The following CAMTA1 variants were observed in gnomAD, a reference collection of about 807,000 sequenced individuals.
CAMTA1 encodes the protein calmodulin-binding transcription activator 1.
In CAMTA1, 27 loss-of-function variants were observed where a neutral mutation model predicts 170.9. The observed-to-expected ratio is 0.16, with a 90% CI of 0.12 to 0.22. The LOEUF is 0.22. Among genes scored for constraint, CAMTA1 ranks in the 10% least tolerant of loss-of-function variants. The pLI is 1.00. For synonymous variants in CAMTA1, 833 were observed against 891.5 expected (o/e 0.93, Z 1.17); for missense variants, 1,619 against 2,217.2 (o/e 0.73, Z 5.42).
intron 3 of CAMTA1, among the ~76,000 whole-genome samples, chr1:6,986,809 T>A (rs1695434214): frequency 6.6e-6 from 1 of 152,048 alleles, no homozygotes; most frequent in Admixed American, 6.6e-5. Context: ...ACCTCCCAGG[T>A]TTGGAGCTGG....
chr1:7,717,958 C>G (rs182919970), intron 11 of CAMTA1, among the ~76,000 whole-genome samples: 1 of 152,212 alleles, frequency 6.6e-6, no homozygotes, highest in South Asian at 2.1e-4. Flanking sequence ...AGAGGGCCTA[C>G]TGTGCACCAG....
chr1:6,932,668 C>T (rs115828612), intron 3 of CAMTA1, among the ~76,000 whole-genome samples: 2,524 of 152,276 alleles, frequency 0.017, 33 homozygotes, highest in Non-Finnish European at 0.025. Flanking sequence ...TACGGTCAGT[C>T]TTTGTCATTT....
intron 6 of CAMTA1, among the ~76,000 whole-genome samples, chr1:7,632,001 ACCCAGTGTCG>A (rs1301062243): frequency 3.6e-4 from 55 of 152,224 alleles, no homozygotes; most frequent in African/African-American, 9.4e-4. Flanking sequence ...GCCCTGTGCC[ACCCAGTGTCG>A]CCCAGTGTCG....
chr1:7,577,150 G>A (rs906931169), intron 6 of CAMTA1, among the ~76,000 whole-genome samples: 3 of 152,248 alleles, frequency 2.0e-5, no homozygotes, highest in Non-Finnish European at 4.4e-5. Context: ...GTCCTCCCCC[G>A]GAGGCCCAGT....
chr1:6,845,174 A>G (rs1657555551), intron 3 of CAMTA1, among the ~76,000 whole-genome samples: 1 of 152,166 alleles, frequency 6.6e-6, no homozygotes. Flanking sequence ...GAAAAAGTCT[A>G]TGAAAAGCTA....
At chr1:7,485,280 C>T (rs2093603204) in intron 6 of CAMTA1, among the ~76,000 whole-genome samples, 1 of 152,208 alleles carries the variant, frequency 6.6e-6, no homozygotes, top group Non-Finnish European at 1.5e-5. Flanking sequence ...TGCCTCGTCT[C>T]TCAGGGTGTG....
intron 4 of CAMTA1, among the ~76,000 whole-genome samples, chr1:7,111,906 A>AAC (rs1558118101): frequency 2.2e-5 from 3 of 139,422 alleles, no homozygotes; most frequent in Admixed American, 7.3e-5. Flanking sequence ...AAAAAAAAAA[A>AAC]AAAAAACCGA....
chr1:6,802,817 C>G (rs898032873), intron 1 of CAMTA1, among the ~76,000 whole-genome samples: 14 of 152,242 alleles, frequency 9.2e-5, no homozygotes, highest in African/African-American at 3.4e-4. Context: ...TCACTGAAGC[C>G]TCGACAGCCT....
chr1:7,003,678 G>T (rs1338929478), intron 3 of CAMTA1, among the ~76,000 whole-genome samples: 4 of 152,244 alleles, frequency 2.6e-5, no homozygotes, highest in African/African-American at 9.6e-5. Context: ...GTAGGTTGGT[G>T]ATCATGGGAG....
At position 7,232,670 on chromosome 1, in the gene CAMTA1, C is replaced by T. The variant is rs146477653; in HGVS notation, c.303-16821C>T. 1.4e-3 allele frequency among the ~76,000 whole-genome samples: 216 copies of T among 152,176 alleles called. 1 individual carries two copies. The highest frequency in any genetic ancestry group is 3.4e-3 in the Middle Eastern group (1 of 294). On this transcript the variant is annotated intron_variant, in intron 4 of 22. Coordinates refer to ENST00000303635, the MANE Select transcript of CAMTA1 (RefSeq NM_015215.4). ...AAACAGGTTGAGAGGGTGCACAGAC[C>T]GGTGTTTGCAGGGGCCGGCTGTTTA...
At chr1:7,308,132 T>A (rs1405505263) in intron 5 of CAMTA1, among the ~76,000 whole-genome samples, 1 of 152,058 alleles carries the variant, frequency 6.6e-6, no homozygotes, top group Non-Finnish European at 1.5e-5. Context: ...ATCTAAGTTG[T>A]AGAATTTATC....
At chr1:7,600,372 G>T (rs996193679) in intron 6 of CAMTA1, among the ~76,000 whole-genome samples, 1 of 152,104 alleles carries the variant, frequency 6.6e-6, no homozygotes, top group Non-Finnish European at 1.5e-5. Flanking sequence ...TTGCATCGAG[G>T]TTCATCAGGG....
intron 6 of CAMTA1, among the ~76,000 whole-genome samples, chr1:7,508,790 C>T (rs574513026): frequency 3.9e-5 from 6 of 152,286 alleles, no homozygotes; most frequent in Admixed American, 3.9e-4. Flanking sequence ...CAAGGCCTCC[C>T]AGCCCTGGCC....
chr1:7,295,057 A>G (rs560542817), intron 5 of CAMTA1, among the ~76,000 whole-genome samples: 2 of 152,356 alleles, frequency 1.3e-5, no homozygotes, highest in East Asian at 3.9e-4. Flanking sequence ...CATCAAGCAC[A>G]CTGGCTTGAA....
chr1:7,749,700 G>C (rs1381756955), intron 19 of CAMTA1: 3 of 408,212 alleles, frequency 7.3e-6, no homozygotes, highest in Non-Finnish European at 1.4e-5. Flanking sequence ...GAGTTTTATT[G>C]ATTCTGGTTT....
intron 3 of CAMTA1, among the ~76,000 whole-genome samples, chr1:6,838,694 G>A (rs551143881): frequency 6.6e-6 from 1 of 151,976 alleles, no homozygotes; most frequent in African/African-American, 2.4e-5. Context: ...CTATAACCTG[G>A]CTTTTCTCTT....
Position 7,664,949 on chromosome 1 carries a change from C to A in CAMTA1, c.2402C>A (p.Thr801Lys). 6.2e-7 allele frequency: 1 copy of A among 1,612,958 alleles called. No individual in the cohort carries two copies. Among genetic ancestry groups the A allele is most frequent in the Non-Finnish European group, 8.5e-7 (1 of 1,179,928 alleles). ...YGHQLVSGDS[T>K]ALSQSEDGAR... ...CACCAGCTGGTGTCGGGGGACAGCACGGCGCTCTCACAGTCAGAGGACGGG... is the reference window on the plus strand; with the variant it reads ...CACCAGCTGGTGTCGGGGGACAGCAAGGCGCTCTCACAGTCAGAGGACGGG... Residue 801 changes from threonine to lysine, a missense_variant, in exon 9 of 23, where the codon ACG becomes AAG. Thr to Lys is a moderately conservative substitution (Grantham distance 78). Transcript: ENST00000303635.
chr1:7,305,127 G>T (rs953681413), intron 5 of CAMTA1, among the ~76,000 whole-genome samples: 3 of 151,750 alleles, frequency 2.0e-5, no homozygotes, highest in Non-Finnish European at 2.9e-5. Flanking sequence ...TTTTCTTGCT[G>T]GTAGGCATGT....
intron 4 of CAMTA1, among the ~76,000 whole-genome samples, chr1:7,114,411 C>T (rs527652299): frequency 3.7e-4 from 54 of 147,592 alleles, no homozygotes; most frequent in Non-Finnish European, 5.8e-4. Flanking sequence ...TGTCTTGGGC[C>T]ACACATAAAA....
Sources: allele counts gnomAD v4.1 joint callset (sites outside exome capture counted in the v4.1 genomes callset), GRCh38; gene constraint gnomAD v4.1.1; transcripts MANE v1.5; gene names NCBI Gene and HGNC (gene_info 2026-07-23, HGNC 2026-07-21).